The following ABI3BP variants were observed in gnomAD, a reference collection of about 807,000 sequenced individuals.
The protein encoded by ABI3BP is ABI family member 3 binding protein, also known as target of Nesh-SH3.
Under a neutral mutation model 268.6 loss-of-function variants are expected in ABI3BP, and 216 were observed. The observed-to-expected ratio is 0.80, with a 90% CI of 0.72 to 0.90. The LOEUF (loss-of-function observed/expected upper bound fraction) is 0.90. Among genes scored for constraint, ABI3BP ranks in the 40% least tolerant of loss-of-function variants. The probability of loss-of-function intolerance (pLI) is 0.00; values close to 1 mark genes in which losing one functional copy is unlikely to be tolerated. For missense variants in ABI3BP, 2,090 were observed against 2,182.4 expected (o/e 0.96, Z 0.84); for synonymous variants, 730 against 730.0 (o/e 1.00, Z 0.00).
chr3:100,938,249 A>G (rs986885362), intron 1 of ABI3BP, among the ~76,000 whole-genome samples: 2 of 151,848 alleles, frequency 1.3e-5, no homozygotes, highest in Non-Finnish European at 2.9e-5. Flanking sequence ...CTCCTGTGAC[A>G]TGAGTTTCCC....
At chr3:100,864,741 G>T in intron 11 of ABI3BP, 92 bp downstream of exon 11, 1 of 915,496 alleles carries the variant, frequency 1.1e-6, no homozygotes, top group Non-Finnish European at 1.7e-6. Flanking sequence ...GGAGAGAGAA[G>T]TTAAGGCACC....
intron 65 of ABI3BP, 145 bp downstream of exon 65, chr3:100,753,674 G>A: frequency 6.8e-6 from 6 of 881,288 alleles, no homozygotes; most frequent in South Asian, 6.0e-5. Context: ...GTTGTACAAT[G>A]TGTAGGTAAA....
intron 57 of ABI3BP, among the ~76,000 whole-genome samples, chr3:100,780,947 C>A (rs1192056673): frequency 2.0e-5 from 3 of 152,154 alleles, no homozygotes; most frequent in African/African-American, 7.2e-5. Context: ...AAAAATTATT[C>A]TTTGATATTA....
chr3:100,838,053 G>C (rs1321190313), intron 26 of ABI3BP, among the ~76,000 whole-genome samples, 157 bp downstream of exon 26: 1 of 152,102 alleles, frequency 6.6e-6, no homozygotes, highest in Non-Finnish European at 1.5e-5. Flanking sequence ...TTTTCATTTA[G>C]CACTTAAAAC....
chr3:100,942,304 GAATA>G (rs1269872308), intron 1 of ABI3BP, among the ~76,000 whole-genome samples: 1 of 152,042 alleles, frequency 6.6e-6, no homozygotes, highest in Non-Finnish European at 1.5e-5. Flanking sequence ...GTGGAAGAAA[GAATA>G]TATATAGAAA....
intron 66 of ABI3BP, 131 bp from the exon 67 acceptor site, chr3:100,751,805 T>C (rs16847405): frequency 0.014 from 12,052 of 889,774 alleles, 517 homozygotes; most frequent in African/African-American, 0.13. Context: ...CCAACAATGT[T>C]TCTTGCCTAC....
chr3:100,933,263 C>T (rs1013562155), intron 1 of ABI3BP, among the ~76,000 whole-genome samples: 7 of 151,666 alleles, frequency 4.6e-5, no homozygotes, highest in African/African-American at 1.2e-4. Flanking sequence ...GATCAGGTAC[C>T]GTATTAATTG....
intron 63 of ABI3BP, among the ~76,000 whole-genome samples, chr3:100,757,096 A>C (rs2095661877): frequency 6.6e-6 from 1 of 152,116 alleles, no homozygotes; most frequent in Non-Finnish European, 1.5e-5. Flanking sequence ...AGTTGAGGAC[A>C]TTTCACAAAT....
In ABI3BP at chr3:100,774,585, TCACAGC is replaced by T. The variant is rs1559973168; in HGVS notation, c.4531+14_4531+19del. ...AAAATGGCCTTTTCAAATGTGAGATTCACAGCCAGTCATACATACCTTTGAATCTTG... is the reference window on the plus strand; with the variant it reads ...AAAATGGCCTTTTCAAATGTGAGATTCAGTCATACATACCTTTGAATCTTG... On this transcript the variant is annotated intron_variant, in intron 61 of 67. Coordinates refer to ENST00000471714, the MANE Select transcript of ABI3BP (RefSeq NM_001375547.2). The T allele has an allele frequency of 1.3e-6, 2 of 1,548,598 alleles. No homozygotes were observed. The highest frequency in any genetic ancestry group is 1.7e-6 in the Non-Finnish European group (2 of 1,148,866).
At chr3:100,972,074 C>G (rs2083874883) in intron 1 of ABI3BP, among the ~76,000 whole-genome samples, 1 of 151,972 alleles carries the variant, frequency 6.6e-6, no homozygotes, top group East Asian at 1.9e-4. Flanking sequence ...ATATCTGCCA[C>G]CTGGTAATTT....
At chr3:100,949,021 T>A (rs1437721443) in intron 1 of ABI3BP, among the ~76,000 whole-genome samples, 1 of 152,178 alleles carries the variant, frequency 6.6e-6, no homozygotes, top group Non-Finnish European at 1.5e-5. Flanking sequence ...CAGATAGTTT[T>A]TCCTGGGAAT....
intron 1 of ABI3BP, among the ~76,000 whole-genome samples, chr3:100,950,254 A>C (rs1272687379): frequency 6.6e-6 from 1 of 152,238 alleles, no homozygotes; most frequent in Non-Finnish European, 1.5e-5. Context: ...ATATGTTTTG[A>C]ATGAATGAAC....
intron 1 of ABI3BP, among the ~76,000 whole-genome samples, chr3:100,957,106 A>T (rs1026376696): frequency 6.6e-6 from 1 of 152,218 alleles, no homozygotes; most frequent in Non-Finnish European, 1.5e-5. Context: ...AGAGCCAAAA[A>T]CAGGGAAACT....
At chr3:100,924,943 G>C (rs964265751) in intron 2 of ABI3BP, among the ~76,000 whole-genome samples, 3 of 152,098 alleles carry the variant, frequency 2.0e-5, no homozygotes, top group Non-Finnish European at 2.9e-5. Flanking sequence ...CTATTTGTGT[G>C]GGGGCAAACA....
chr3:100,967,028 G>A (rs1488223039), intron 1 of ABI3BP, among the ~76,000 whole-genome samples: 1 of 151,984 alleles, frequency 6.6e-6, no homozygotes, highest in African/African-American at 2.4e-5. Flanking sequence ...TGTAATCATG[G>A]TTAATTGACT....
Position 100,968,660 on chromosome 3 carries a change from G to T in ABI3BP, c.79+24646C>A, listed in dbSNP as rs1333386723. 7.2e-5 allele frequency among the ~76,000 whole-genome samples: 11 copies of T among 152,224 alleles called. No individual in the cohort carries two copies. The South Asian group carries it at 1.9e-3, about 26-fold the overall frequency. ...ACAGCTATTTACAACAAAATTTTATGTTGTTGATTTTTTAGTGTACTTTTT... is the reference window on the plus strand; with the variant it reads ...ACAGCTATTTACAACAAAATTTTATTTTGTTGATTTTTTAGTGTACTTTTT... On this transcript the variant is annotated intron_variant, in intron 1 of 67. Transcript: ENST00000471714.
chr3:100,880,571 C>T (rs191624220), intron 6 of ABI3BP, among the ~76,000 whole-genome samples: 38 of 152,128 alleles, frequency 2.5e-4, no homozygotes, highest in African/African-American at 9.2e-4. Context: ...GACACTGTGG[C>T]GAAGCATGCA....
At position 100,941,056 on chromosome 3, in the gene ABI3BP, A is replaced by G. The variant is rs555240515; in HGVS notation, c.80-14575T>C. ...TACATTTAAAATAATGTGCAGAATA[A>G]AAGCTATGGTAAAAGTCCCATAAGC... On this transcript the variant is annotated intron_variant, in intron 1 of 67. Transcript: ENST00000471714. Among the ~76,000 whole-genome samples, 40 of 151,606 alleles carry G rather than the reference A, an allele frequency of 2.6e-4. 1 individual carries two copies. The South Asian group carries it at 8.1e-3, about 31-fold the overall frequency.
intron 39 of ABI3BP, among the ~76,000 whole-genome samples, chr3:100,820,691 A>T (rs1471718471): frequency 6.6e-6 from 1 of 152,232 alleles, no homozygotes; most frequent in Non-Finnish European, 1.5e-5. Flanking sequence ...AAATGAGTAA[A>T]TAGAACTTTA....
Sources: gnomAD v4.1 joint callset for allele counts (sites outside exome capture counted in the v4.1 genomes callset) on GRCh38, gnomAD v4.1.1 for gene constraint, MANE v1.5 for transcripts, NCBI Gene and HGNC (gene_info 2026-07-23, HGNC 2026-07-21) for gene names.